Variants in ITGBL1 observed in about 807,000 individuals in gnomAD.
ITGBL1 encodes integrin beta-like protein 1.
In ITGBL1, 51 loss-of-function variants were observed where a neutral mutation model predicts 68.5. The ratio of observed to expected loss-of-function variants is 0.74; its 90% CI spans 0.59 to 0.94. The LOEUF (loss-of-function observed/expected upper bound fraction) is 0.94, where lower values mean the gene tolerates loss of function less well. Among genes scored for constraint, ITGBL1 ranks in the 40% least tolerant of loss-of-function variants. The pLI, the probability that ITGBL1 is intolerant of heterozygous loss-of-function variation, is 0.00. For missense variants in ITGBL1, 649 were observed against 647.4 expected (o/e 1.00, Z -0.03); for synonymous variants, 209 against 227.3 (o/e 0.92, Z 0.72).
chr13:101,720,118 CA>C (rs2034876984), downstream of ITGBL1: 1 of 151,916 alleles, frequency 6.6e-6, no homozygotes. Context: ...ATATTAAACA[CA>C]AACTACAATG....
At chr13:101,505,077 A>T (rs1164303966) in intron 2 of ITGBL1, among the ~76,000 whole-genome samples, 1 of 151,906 alleles carries the variant, frequency 6.6e-6, no homozygotes, top group Non-Finnish European at 1.5e-5. Flanking sequence ...AAGCCTCCCT[A>T]CTTATTTATT....
chr13:101,571,261 C>A (rs2050267434), intron 3 of ITGBL1, among the ~76,000 whole-genome samples: 1 of 152,050 alleles, frequency 6.6e-6, no homozygotes, highest in East Asian at 1.9e-4. Context: ...ACCACTAAAC[C>A]AAGCAAATGT....
intron 7 of ITGBL1, among the ~76,000 whole-genome samples, chr13:101,687,446 T>C (rs2033780783): frequency 6.6e-6 from 1 of 152,048 alleles, no homozygotes; most frequent in African/African-American, 2.4e-5. Context: ...ATTAAAATGA[T>C]TACCTGCACA....
intron 2 of ITGBL1, among the ~76,000 whole-genome samples, chr13:101,557,457 G>C (rs1415609559): frequency 6.6e-6 from 1 of 152,122 alleles, no homozygotes; most frequent in Non-Finnish European, 1.5e-5. Context: ...AAATGGTCAA[G>C]TTTCTATTTC....
chr13:101,637,812 T>C (rs1303042684), intron 7 of ITGBL1, among the ~76,000 whole-genome samples: 2 of 152,172 alleles, frequency 1.3e-5, no homozygotes, highest in African/African-American at 4.8e-5. Flanking sequence ...TTTCACATTG[T>C]CCAGCAATGC....
At chr13:101,539,972 A>T (rs1261764088) in intron 2 of ITGBL1, among the ~76,000 whole-genome samples, 1 of 152,084 alleles carries the variant, frequency 6.6e-6, no homozygotes, top group Non-Finnish European at 1.5e-5. Flanking sequence ...AGATGAGTAG[A>T]TTGCAAAAAT....
chr13:101,666,443 T>C (rs761870718), intron 7 of ITGBL1, among the ~76,000 whole-genome samples: 41 of 152,096 alleles, frequency 2.7e-4, no homozygotes, highest in Non-Finnish European at 5.3e-4. Flanking sequence ...TTCTTTTTAA[T>C]AGAAGGACAA....
rs181380684 is a variant in ITGBL1, at chr13:101,461,432, G to A, written c.316+7332G>A. Among the ~76,000 whole-genome samples the A allele has an allele frequency of 5.9e-5, 9 of 152,192 alleles. No individual in the cohort carries two copies. The East Asian group carries it at 7.8e-4, about 13-fold the overall frequency. Reference sequence around the variant, plus strand: ...GGGACTGGGTGTAGTGGCTCACATCGCCTGTAATCCTAGCACTTTGGGAAG... The same window carrying A: ...GGGACTGGGTGTAGTGGCTCACATCACCTGTAATCCTAGCACTTTGGGAAG... On this transcript the variant is annotated intron_variant, in intron 2 of 10. Transcript: ENST00000376180.
intron 7 of ITGBL1, among the ~76,000 whole-genome samples, chr13:101,679,825 GTGGCC>G (rs1361903594): frequency 1.3e-5 from 2 of 152,182 alleles, no homozygotes; most frequent in Non-Finnish European, 2.9e-5. Context: ...AGAGATGAGT[GTGGCC>G]TGGCGCTTCT....
chr13:101,567,586 T>A (rs544852279), intron 2 of ITGBL1, 113 bp from the exon 3 acceptor site: 5 of 962,254 alleles, frequency 5.2e-6, no homozygotes, highest in Admixed American at 2.6e-5. Flanking sequence ...TACATGAGTT[T>A]CAATTTATTA....
chr13:101,615,069 C>T (rs915344681), intron 7 of ITGBL1, among the ~76,000 whole-genome samples: 5 of 152,052 alleles, frequency 3.3e-5, no homozygotes, highest in African/African-American at 1.2e-4. Flanking sequence ...TGTCAGGATC[C>T]CTCCCAAGGA....
At chr13:101,580,905 G>T (rs889773008) in intron 5 of ITGBL1, among the ~76,000 whole-genome samples, 1 of 152,200 alleles carries the variant, frequency 6.6e-6, no homozygotes, top group Non-Finnish European at 1.5e-5. Context: ...CTGACCTGGA[G>T]CTATGGCAGA....
downstream of ITGBL1, chr13:101,720,588 T>C (rs2034909120): frequency 6.6e-6 from 1 of 150,552 alleles, no homozygotes; most frequent in Non-Finnish European, 1.5e-5. Context: ...TTGTGTGAAG[T>C]GAAGTGTTGC....
At chr13:101,656,282 C>T (rs1358830503) in intron 7 of ITGBL1, among the ~76,000 whole-genome samples, 2 of 152,176 alleles carry the variant, frequency 1.3e-5, no homozygotes, top group East Asian at 3.8e-4. Context: ...TTTAGTTAAT[C>T]TCTTCAGGAT....
intron 7 of ITGBL1, among the ~76,000 whole-genome samples, chr13:101,665,291 A>G (rs1376835306): frequency 6.6e-6 from 1 of 152,092 alleles, no homozygotes; most frequent in African/African-American, 2.4e-5. Flanking sequence ...TTTTATTTGT[A>G]TATTTTTTAA....
chr13:101,709,986 A>G (rs1293234784), intron 9 of ITGBL1, among the ~76,000 whole-genome samples: 1 of 152,272 alleles, frequency 6.6e-6, no homozygotes, highest in East Asian at 1.9e-4. Flanking sequence ...AAATGTAGAA[A>G]ATACAAAGAA....
chr13:101,499,375 A>G (rs1272430783), intron 2 of ITGBL1, among the ~76,000 whole-genome samples: 1 of 152,198 alleles, frequency 6.6e-6, no homozygotes, highest in Non-Finnish European at 1.5e-5. Flanking sequence ...CTGCAATTAC[A>G]TAGAGGTACT....
At position 101,592,992 on chromosome 13, in the gene ITGBL1, G is replaced by A. The variant is rs538813075; in HGVS notation, c.869-5161G>A. 2.0e-5 allele frequency among the ~76,000 whole-genome samples: 3 copies of A among 152,030 alleles called. No individual in the cohort carries two copies. In the East Asian group the frequency reaches 5.8e-4, roughly 29 times the overall value. ...GAATGACAAATAGACCTACATAATG[G>A]GAGAAAATAGTTGCAAACTATATAT... is the stretch of plus-strand genomic sequence containing the variant. On this transcript the variant is annotated intron_variant, in intron 6 of 10. Transcript: ENST00000376180.
rs77711938 is a variant in ITGBL1, at chr13:101,473,542, G to A, written c.316+19442G>A. Among the ~76,000 whole-genome samples the A allele has an allele frequency of 5.7e-4, 87 of 152,302 alleles. 1 individual carries two copies. The East Asian group carries it at 0.015, about 27-fold the overall frequency. On this transcript the variant is annotated intron_variant, in intron 2 of 10. Coordinates refer to ENST00000376180, the MANE Select transcript of ITGBL1 (RefSeq NM_004791.3). Reference sequence around the variant, plus strand: ...AGCACCACCACTGTGGACTAAAGTAGTCTGGTGTTTTAAATAAACTTGAAA... The same window carrying A: ...AGCACCACCACTGTGGACTAAAGTAATCTGGTGTTTTAAATAAACTTGAAA...
Sources: gnomAD v4.1 joint callset for allele counts (sites outside exome capture counted in the v4.1 genomes callset) on GRCh38, gnomAD v4.1.1 for gene constraint, MANE v1.5 for transcripts, NCBI Gene and HGNC (gene_info 2026-07-23, HGNC 2026-07-21) for gene names.